Variants in MYCBP2 observed in about 807,000 individuals in gnomAD.
MYCBP2 encodes MYC binding protein 2.
MYCBP2 carries 120 observed loss-of-function variants against 525.3 expected under a neutral mutation model. The observed-to-expected ratio is 0.23, with a 90% confidence interval of 0.20 to 0.27. The LOEUF (loss-of-function observed/expected upper bound fraction) is 0.27. MYCBP2 is among the 10% of genes least tolerant of loss of function. MYCBP2 has a pLI of 1.00. For missense variants in MYCBP2, 4,149 were observed against 5,657.1 expected, an observed-to-expected ratio of 0.73 and a Z score of 8.55; for synonymous variants, 1,894 against 1,955.8, an observed-to-expected ratio of 0.97 and a Z score of 0.83.
chr13:77,294,129 T>TATATACATATATATATATATATATAC (rs1450128273), intron 2 of MYCBP2, among the ~76,000 whole-genome samples: 1 of 26,132 alleles, frequency 3.8e-5, no homozygotes, highest in Non-Finnish European at 1.1e-4. Context: ...TATATATATA[T>TATATACATATATATATATATATATAC]ACATATATAT....
At chr13:77,258,006 T>A (rs540678926) in intron 13 of MYCBP2, among the ~76,000 whole-genome samples, 177 bp from the exon 14 acceptor site, 75 of 152,342 alleles carry the variant, frequency 4.9e-4, no homozygotes, top group South Asian at 1.2e-3. Context: ...CTTTGTAACG[T>A]AGCTTCAGTG....
At chr13:77,100,367 CT>C (rs2046888044) in intron 55 of MYCBP2, 1 of 152,028 alleles carries the variant, frequency 6.6e-6, no homozygotes, top group African/African-American at 2.4e-5. Flanking sequence ...TTACTCTTCA[CT>C]GATGTAATAC....
chr13:77,171,457 C>G (rs768099062), intron 38 of MYCBP2, 35 bp downstream of exon 38: 8 of 1,592,926 alleles, frequency 5.0e-6, no homozygotes, highest in Non-Finnish European at 6.8e-6. Flanking sequence ...AATAAAGAAT[C>G]TAAAATATGA....
chr13:77,077,328 A>G lies in MYCBP2; in HGVS notation c.11544T>C (p.Asn3848=). The G allele has an allele frequency of 6.2e-7, 1 of 1,613,978 alleles. No individual in the cohort carries two copies. Among genetic ancestry groups the G allele is most frequent in the Non-Finnish European group, 8.5e-7 (1 of 1,179,918 alleles). ...WVTSELPGGD[N]HIIKIELKGP... ...CTTTTAATTCAATTTTTATGATGTG[A>G]TTATCCCCTCCTGGAAGTTCACTTG... Residue 3848 remains asparagine, a synonymous_variant, in exon 67 of 83, where the codon AAT becomes AAC. Coordinates refer to ENST00000544440, the MANE Select transcript of MYCBP2 (RefSeq NM_015057.5).
At chr13:77,064,341 CA>C (rs2039854671) in intron 73 of MYCBP2, among the ~76,000 whole-genome samples, 1 of 152,198 alleles carries the variant, frequency 6.6e-6, no homozygotes, top group African/African-American at 2.4e-5. Context: ...AGACAACACG[CA>C]AACAATGTAC....
chr13:77,281,176 T>C (rs923922388), intron 3 of MYCBP2, among the ~76,000 whole-genome samples: 1 of 151,792 alleles, frequency 6.6e-6, no homozygotes, highest in Non-Finnish European at 1.5e-5. Flanking sequence ...GAAGGAAGAG[T>C]GTAAGGAGAA....
chr13:77,224,337 T>C (rs938360758), intron 20 of MYCBP2, 114 bp downstream of exon 20: 31 of 696,762 alleles, frequency 4.4e-5, no homozygotes, highest in East Asian at 1.4e-4. Context: ...AGTGGTATAA[T>C]ATTATTTTAA....
intron 1 of MYCBP2, among the ~76,000 whole-genome samples, chr13:77,320,054 C>A (rs1322814242): frequency 2.0e-5 from 3 of 152,156 alleles, no homozygotes; most frequent in Non-Finnish European, 4.4e-5. Flanking sequence ...CTCAGCCAGA[C>A]CCATGGGAGA....
intron 1 of MYCBP2, among the ~76,000 whole-genome samples, chr13:77,298,512 AG>A (rs1296002104): frequency 6.6e-6 from 1 of 152,224 alleles, no homozygotes; most frequent in Non-Finnish European, 1.5e-5. Flanking sequence ...CCTGGGATAT[AG>A]TACTCAACGA....
At chr13:77,171,284 T>C (rs145909398) in intron 38 of MYCBP2, among the ~76,000 whole-genome samples, 42 of 152,352 alleles carry the variant, frequency 2.8e-4, no homozygotes, top group African/African-American at 1.0e-3. Context: ...AATAAGAATA[T>C]ATGGTAACTC....
chr13:77,142,882 C>T (rs940049184), intron 49 of MYCBP2, among the ~76,000 whole-genome samples: 4 of 152,160 alleles, frequency 2.6e-5, no homozygotes, highest in African/African-American at 9.7e-5. Flanking sequence ...AACTGTAATA[C>T]AACTATTCCA....
intron 69 of MYCBP2, 48 bp downstream of exon 69, chr13:77,070,583 C>G: frequency 7.5e-7 from 1 of 1,330,342 alleles, no homozygotes; most frequent in Non-Finnish European, 1.1e-6. Flanking sequence ...AACACACACA[C>G]ACACACACAC....
At chr13:77,113,717 A>C (rs1446291079) in intron 55 of MYCBP2, among the ~76,000 whole-genome samples, 1 of 152,176 alleles carries the variant, frequency 6.6e-6, no homozygotes, top group Non-Finnish European at 1.5e-5. Flanking sequence ...ATGAAGCAGC[A>C]AAACAAAATA....
Position 77,097,650 on chromosome 13 carries a change from T to C in MYCBP2, c.9504A>G (p.Glu3168=). ...CTTTGATAGTAGCCAAAGAGATGTC[T>C]TCCCAAAAAGCCACTAAATGTTGTA... ...LTLQHLVAFW[E]DISLATIKAA... The change falls in exon 56 of 83, where the codon GAA becomes GAG. Residue 3168 remains glutamate (E), a synonymous_variant. Transcript: ENST00000544440. The C allele has an allele frequency of 6.2e-7, 1 of 1,613,792 alleles. No homozygotes were observed. Among genetic ancestry groups the C allele is most frequent in the Non-Finnish European group, 8.5e-7 (1 of 1,179,846 alleles).
intron 82 of MYCBP2, among the ~76,000 whole-genome samples, chr13:77,046,152 A>C (rs1356206264): frequency 6.6e-6 from 1 of 152,228 alleles, no homozygotes; most frequent in African/African-American, 2.4e-5. Context: ...AGGCCTATCA[A>C]ATGTACCAAA....
chr13:77,277,395 T>G (rs551676944), intron 4 of MYCBP2, among the ~76,000 whole-genome samples: 251 of 152,286 alleles, frequency 1.6e-3, no homozygotes, highest in Non-Finnish European at 2.9e-3. Context: ...GGTAATAGCT[T>G]TTAATAACTG....
Position 77,179,362 on chromosome 13 carries a change from A to G in MYCBP2, c.5133+765T>C, listed in dbSNP as rs577652914. On this transcript the variant is annotated intron_variant, in intron 34 of 82. Coordinates refer to ENST00000544440, the MANE Select transcript of MYCBP2 (RefSeq NM_015057.5). ...AGGACATGATTTTCCAAACCAATCT[A>G]CTGTCTGTTTTTTAGGAGGAAAAAA... is the stretch of plus-strand genomic sequence containing the variant. Among the ~76,000 whole-genome samples the G allele has an allele frequency of 2.6e-5, 4 of 152,316 alleles. No individual in the cohort carries two copies. In the East Asian group the frequency reaches 7.7e-4, roughly 29 times the overall value.
chr13:77,096,853 T>C (rs2046329985), intron 56 of MYCBP2, among the ~76,000 whole-genome samples: 1 of 152,158 alleles, frequency 6.6e-6, no homozygotes. Flanking sequence ...AGGTATAATA[T>C]GTAGACAAAG....
intron 3 of MYCBP2, among the ~76,000 whole-genome samples, chr13:77,284,214 A>T (rs1336875824): frequency 1.3e-5 from 2 of 152,090 alleles, no homozygotes; most frequent in Non-Finnish European, 2.9e-5. Context: ...CAACAGATTA[A>T]AAACTGTCTT....
Sources: gnomAD v4.1 joint callset for allele counts (sites outside exome capture counted in the v4.1 genomes callset) on GRCh38, gnomAD v4.1.1 for gene constraint, MANE v1.5 for transcripts, NCBI Gene and HGNC (gene_info 2026-07-23, HGNC 2026-07-21) for gene names.